PBRM1: variants seen among roughly 807,000 people sequenced by gnomAD.
PBRM1 encodes protein polybromo-1.
PBRM1 carries 27 observed loss-of-function variants against 194.5 expected under a neutral mutation model. That is an observed-to-expected ratio of 0.14 (90% CI 0.10 to 0.19). PBRM1 has a LOEUF of 0.19. Among genes scored for constraint, PBRM1 ranks in the 10% least tolerant of loss-of-function variants. PBRM1 has a pLI of 1.00. For missense variants in PBRM1, 1,466 were observed against 2,077.2 expected, an observed-to-expected ratio of 0.71 and a Z score of 5.72; for synonymous variants, 655 against 693.2, an observed-to-expected ratio of 0.94 and a Z score of 0.87.
chr3:52,601,061 T>C (rs867012695), intron 17 of PBRM1, among the ~76,000 whole-genome samples: 1 of 152,244 alleles, frequency 6.6e-6, no homozygotes, highest in African/African-American at 2.4e-5. Flanking sequence ...TATGTGTGTC[T>C]AGTACAACAG....
At chr3:52,629,667 TAAACACAATCATTA>T (rs1196954753) in intron 11 of PBRM1, among the ~76,000 whole-genome samples, 1 of 152,214 alleles carries the variant, frequency 6.6e-6, no homozygotes, top group Non-Finnish European at 1.5e-5. Flanking sequence ...GTATCTCACT[TAAACACAATCATTA>T]TTATTGTATC....
At chr3:52,663,777 TG>T (rs1034700003) in intron 3 of PBRM1, among the ~76,000 whole-genome samples, 1 of 152,122 alleles carries the variant, frequency 6.6e-6, no homozygotes, top group African/African-American at 2.4e-5. Context: ...TTGGGCATGG[TG>T]GCCAGGCGTG....
chr3:52,599,292 C>A (rs977361401), intron 17 of PBRM1, among the ~76,000 whole-genome samples: 19 of 152,160 alleles, frequency 1.2e-4, no homozygotes, highest in Middle Eastern at 6.3e-3. Flanking sequence ...TATTAATACT[C>A]TCAAGGATTT....
rs1163468854 is a variant in PBRM1 at position 52,647,455 on chromosome 3, AAAATATATATATATATATATAT to A, written c.813+867_813+888del. Among the ~76,000 whole-genome samples, 4 of 51,788 alleles carry A rather than the reference AAAATATATATATATATATATAT, an allele frequency of 7.7e-5. No individual in the cohort carries two copies. In the East Asian group the frequency reaches 1.9e-3, roughly 24 times the overall value. The allele number at this position is 51,788 out of a possible 152,430, so 34.0% of individuals were successfully genotyped here. On this transcript the variant is annotated intron_variant, in intron 7 of 29. Transcript: ENST00000296302. ...AAAAAAAAAAAAAAAAAAAAAAAAAAAAATATATATATATATATATATATATATATATATGTAGTATTTATAT... is the reference window on the plus strand; with the variant it reads ...AAAAAAAAAAAAAAAAAAAAAAAAAAATATATATATATGTAGTATTTATAT...
chr3:52,626,523 T>A (rs1242812679), intron 13 of PBRM1, among the ~76,000 whole-genome samples: 1 of 152,210 alleles, frequency 6.6e-6, no homozygotes, highest in Non-Finnish European at 1.5e-5. Context: ...CTTCCCTGGA[T>A]TGACTGTTGC....
At chr3:52,565,923 G>A (rs1313535868) in intron 22 of PBRM1, among the ~76,000 whole-genome samples, 3 of 152,146 alleles carry the variant, frequency 2.0e-5, no homozygotes, top group East Asian at 1.9e-4. Flanking sequence ...GGTTGCAGGC[G>A]CCTGTAGTCC....
chr3:52,650,385 TA>T lies in PBRM1; in HGVS notation c.714+1356del, dbSNP rs35462727. On this transcript the variant is annotated intron_variant, in intron 6 of 29. Coordinates refer to ENST00000296302, the Ensembl canonical transcript of PBRM1. ...TCAAAAAAAAAAAAAAAAAAAACCC[TA>T]AAAAAAAAAAAAGATGATACATTAG... Among the ~76,000 whole-genome samples the T allele has an allele frequency of 1.7e-3, 201 of 119,320 alleles. 2 individuals carry two copies. Among genetic ancestry groups the T allele is most frequent in the African/African-American group, 4.2e-3 (132 of 31,658 alleles). The allele number at this position is 119,320 out of a possible 152,430, so 78.3% of individuals were successfully genotyped here. A position where few individuals can be genotyped will look rare whatever the true frequency, so the allele number is the denominator to read the frequency against.
intron 16 of PBRM1, among the ~76,000 whole-genome samples, chr3:52,606,697 T>C (rs1233889478): frequency 1.3e-5 from 2 of 152,216 alleles, no homozygotes; most frequent in African/African-American, 4.8e-5. Flanking sequence ...TCTTTTTATA[T>C]AAGGCAGACA....
rs544204410 is a variant in PBRM1, at chr3:52,556,273, G to A, written c.4454-1394C>T. Among the ~76,000 whole-genome samples the A allele has an allele frequency of 1.6e-4, 24 of 152,198 alleles. No individual in the cohort carries two copies. In the East Asian group the frequency reaches 4.4e-3, roughly 28 times the overall value. On this transcript the variant is annotated intron_variant, in intron 26 of 29. Transcript: ENST00000296302. ...TGACTAACTTACAATTACATAAACCGAATGACAAAAATTTGAATAATAATC... is the reference window on the plus strand; with the variant it reads ...TGACTAACTTACAATTACATAAACCAAATGACAAAAATTTGAATAATAATC...
At chr3:52,597,689 C>G (rs1020835307) in intron 17 of PBRM1, among the ~76,000 whole-genome samples, 1 of 152,038 alleles carries the variant, frequency 6.6e-6, no homozygotes, top group African/African-American at 2.4e-5. Context: ...ATCTTAGCCT[C>G]GTGTGGTGGC....
At chr3:52,659,266 T>C (rs1451104505) in intron 4 of PBRM1, among the ~76,000 whole-genome samples, 1 of 152,180 alleles carries the variant, frequency 6.6e-6, no homozygotes, top group Non-Finnish European at 1.5e-5. Context: ...GAATAAGCAA[T>C]GGAATGTCTC....
In PBRM1 at chr3:52,548,224, C is replaced by T. The variant is rs201397730; in HGVS notation, c.4909G>A (p.Asp1637Asn). 2.4e-5 allele frequency: 38 copies of T among 1,572,654 alleles called. No individual in the cohort carries two copies. The highest frequency in any genetic ancestry group is 3.0e-5 in the Non-Finnish European group (35 of 1,166,110). The change falls in exon 30 of 30, where the codon GAC becomes AAC. Residue 1637 changes from aspartate to asparagine, a missense_variant. Coordinates refer to ENST00000296302, the Ensembl canonical transcript of PBRM1. ...TCCTGTTCTTTCGACAAATGGACGT[C>T]GCGTCTTCGAGCTGAAAATTAAAGT...
At chr3:52,681,525 T>C (rs994584345), upstream of PBRM1, among the ~76,000 whole-genome samples, 1 of 152,188 alleles carries the variant, frequency 6.6e-6, no homozygotes, top group Non-Finnish European at 1.5e-5. Flanking sequence ...TTCATTAAGA[T>C]AAATTAAGGA....
intron 3 of PBRM1, 47 bp from the exon 5 acceptor site, chr3:52,662,323 G>A (rs753430357): frequency 5.3e-6 from 8 of 1,497,290 alleles, no homozygotes; most frequent in East Asian, 2.3e-5. Flanking sequence ...GTAATGTATT[G>A]GAAATTAGTT....
intron 14 of PBRM1, among the ~76,000 whole-genome samples, chr3:52,615,945 C>T (rs911038646): frequency 6.6e-6 from 1 of 152,184 alleles, no homozygotes; most frequent in African/African-American, 2.4e-5. Context: ...AGGGATCTCT[C>T]TCTGAGGACT....
chr3:52,592,692 C>T (rs1050449255), intron 17 of PBRM1, among the ~76,000 whole-genome samples: 1 of 152,128 alleles, frequency 6.6e-6, no homozygotes, highest in Non-Finnish European at 1.5e-5. Context: ...GGGAGGAGTC[C>T]TTTCTCCTCA....
At chr3:52,605,880 G>A (rs1427393458) in intron 16 of PBRM1, among the ~76,000 whole-genome samples, 2 of 152,126 alleles carry the variant, frequency 1.3e-5, no homozygotes, top group Middle Eastern at 3.2e-3. Flanking sequence ...TGGGATTACA[G>A]GTGTGAGCCA....
At chr3:52,638,175 C>T (rs1375434265) in intron 10 of PBRM1, among the ~76,000 whole-genome samples, 1 of 152,132 alleles carries the variant, frequency 6.6e-6, no homozygotes, top group Non-Finnish European at 1.5e-5. Context: ...TTTATACACA[C>T]TGCTAGACAG....
At chr3:52,597,799 G>GT (rs1678755437) in intron 17 of PBRM1, among the ~76,000 whole-genome samples, 1 of 151,762 alleles carries the variant, frequency 6.6e-6, no homozygotes, top group African/African-American at 2.4e-5. Context: ...TGCCTCCCAG[G>GT]TTCAAGCAAT....
Sources: gnomAD v4.1 joint callset for allele counts (sites outside exome capture counted in the v4.1 genomes callset) on GRCh38, gnomAD v4.1.1 for gene constraint, MANE v1.5 for transcripts, NCBI Gene and HGNC (gene_info 2026-07-23, HGNC 2026-07-21) for gene names.